Variants in LANCL3 observed in about 807,000 individuals in gnomAD.
LANCL3 encodes the protein LanC like family member 3.
Under a neutral mutation model 26.5 loss-of-function variants are expected in LANCL3, and 19 were observed. The ratio of observed to expected loss-of-function variants is 0.72; its 90% CI spans 0.50 to 1.05. The LOEUF (loss-of-function observed/expected upper bound fraction) is 1.05, where lower values mean the gene tolerates loss of function less well. Among genes scored for constraint, LANCL3 ranks in the 50% least tolerant of loss-of-function variants. LANCL3 has a pLI of 0.00. For synonymous variants in LANCL3, 160 were observed against 166.6 expected (o/e 0.96, Z 0.30); for missense variants, 318 against 362.7 (o/e 0.88, Z 1.00).
Position 37,684,260 on chromosome X carries a change from C to T in LANCL3, c.*8447C>T, listed in dbSNP as rs1927004412. On this transcript the variant is annotated 3_prime_UTR_variant, in exon 5 of 5. Transcript: ENST00000378619. The stretch of plus-strand genomic sequence containing the variant: ...TTTTTACAACTGCTGTTACAATGTT[C>T]TAAACACTGTGATCTTTCCAAATGT... 1 of 112,376 alleles carries T rather than the reference C, an allele frequency of 8.9e-6. No individual in the cohort carries two copies. Among genetic ancestry groups the T allele is most frequent in the South Asian group, 3.7e-4 (1 of 2,723 alleles). 9.3% of individuals were successfully genotyped at this position (112,376 alleles called of 1,213,427 possible). A position where few individuals can be genotyped will look rare whatever the true frequency, so the allele number is the denominator to read the frequency against.
chrX:37,651,108 T>G (rs1556428751), intron 1 of LANCL3, among the ~76,000 whole-genome samples: 1 of 111,358 alleles, frequency 9.0e-6, no homozygotes, highest in Non-Finnish European at 1.9e-5. Context: ...ATATGCCACA[T>G]TTTCTTAATC....
chrX:37,609,242 C>G (rs1400949158), intron 1 of LANCL3, among the ~76,000 whole-genome samples: 1 of 111,881 alleles, frequency 8.9e-6, no homozygotes, highest in Non-Finnish European at 1.9e-5. Flanking sequence ...TAGATGCCGT[C>G]TTTATTGTAC....
At chrX:37,655,839 T>C in intron 2 of LANCL3, 28 bp downstream of exon 2, 1 of 1,186,990 alleles carries the variant, frequency 8.4e-7, no homozygotes, top group Non-Finnish European at 1.1e-6. Flanking sequence ...CATGGGCCTG[T>C]AGGAAGGAGA....
Position 37,683,923 on chromosome X carries a change from T to C in LANCL3, c.*8110T>C, listed in dbSNP as rs1926996264. Reference sequence around the variant, plus strand: ...GACATTAATCTTTAGTCAAAACCCATTGAGGTGTCTGACAGGGAAATTAGC... The same window carrying C: ...GACATTAATCTTTAGTCAAAACCCACTGAGGTGTCTGACAGGGAAATTAGC... On this transcript the variant is annotated 3_prime_UTR_variant, in exon 5 of 5. Transcript: ENST00000378619. 1 of 111,836 alleles carries C rather than the reference T, an allele frequency of 8.9e-6. No homozygotes were observed. The highest frequency in any genetic ancestry group is 3.2e-5 in the African/African-American group (1 of 30,799). The allele number at this position is 111,836 out of a possible 1,213,427, so 9.2% of individuals were successfully genotyped here.
At chrX:37,643,520 T>A (rs1418963236) in intron 1 of LANCL3, among the ~76,000 whole-genome samples, 1 of 112,264 alleles carries the variant, frequency 8.9e-6, no homozygotes, top group African/African-American at 3.2e-5. Flanking sequence ...TCTAAAGTTA[T>A]ATAGTTAGTT....
At chrX:37,649,455 G>A (rs1556428108) in intron 1 of LANCL3, among the ~76,000 whole-genome samples, 2 of 110,689 alleles carry the variant, frequency 1.8e-5, no homozygotes, top group African/African-American at 3.3e-5. Context: ...GTCCTGTTGG[G>A]GGATGGGGGG....
intron 1 of LANCL3, among the ~76,000 whole-genome samples, chrX:37,596,702 T>A (rs1924438270): frequency 8.9e-6 from 1 of 112,328 alleles, no homozygotes; most frequent in African/African-American, 3.2e-5. Context: ...TCATTTAAAA[T>A]ATCCTACTTG....
chrX:37,609,990 C>T (rs1437237357), intron 1 of LANCL3, among the ~76,000 whole-genome samples: 1 of 112,475 alleles, frequency 8.9e-6, no homozygotes, highest in East Asian at 2.8e-4. Context: ...AACAAACCAC[C>T]TAAAAACTTA....
At chrX:37,613,250 T>C (rs376109094) in intron 1 of LANCL3, among the ~76,000 whole-genome samples, 2 of 110,758 alleles carry the variant, frequency 1.8e-5, no homozygotes, top group South Asian at 3.9e-4. Flanking sequence ...ACTTTCTTCA[T>C]TGGAATGTAA....
chrX:37,572,469 G>A (rs1556415849), intron 1 of LANCL3, 26 bp downstream of exon 1: 2 of 1,140,934 alleles, frequency 1.8e-6, no homozygotes, highest in Admixed American at 5.1e-5. Flanking sequence ...GGCCGCGGGA[G>A]GGCGCTCGCC....
chrX:37,600,697 A>G (rs1924553473), intron 1 of LANCL3, among the ~76,000 whole-genome samples: 1 of 111,825 alleles, frequency 8.9e-6, no homozygotes, highest in Non-Finnish European at 1.9e-5. Context: ...TCAAACTTTC[A>G]TGCACCTGAA....
chrX:37,629,469 A>G (rs1244469590), intron 1 of LANCL3, among the ~76,000 whole-genome samples: 6 of 108,803 alleles, frequency 5.5e-5, no homozygotes, highest in African/African-American at 1.7e-4. Flanking sequence ...CCCATTTGTC[A>G]ATTTTGGCTT....
In LANCL3 at chrX:37,630,185, C is replaced by G. The variant is rs781803980; in HGVS notation, c.574-25503C>G. On this transcript the variant is annotated intron_variant, in intron 1 of 4. Transcript: ENST00000378619. Reference sequence around the variant, plus strand: ...CTTCACATCCCTTGTAAGTTGGATTCCTAGGTATTTTATTCTCTTTGAAGC... The same window carrying G: ...CTTCACATCCCTTGTAAGTTGGATTGCTAGGTATTTTATTCTCTTTGAAGC... Among the ~76,000 whole-genome samples, 100 of 109,630 alleles carry G rather than the reference C, an allele frequency of 9.1e-4. No homozygotes were observed. The East Asian group carries it at 0.022, about 25-fold the overall frequency.
chrX:37,649,095 C>T (rs1926060860), intron 1 of LANCL3, among the ~76,000 whole-genome samples: 1 of 111,333 alleles, frequency 9.0e-6, no homozygotes, highest in Non-Finnish European at 1.9e-5. Context: ...CCAGTAATCC[C>T]ATTACTGGGT....
At chrX:37,664,809 C>T (rs907771416) in intron 3 of LANCL3, among the ~76,000 whole-genome samples, 14 of 111,921 alleles carry the variant, frequency 1.3e-4, no homozygotes, top group African/African-American at 4.2e-4. Flanking sequence ...TAAGTGAGAA[C>T]ATGTGGTGCT....
At chrX:37,669,982 T>A (rs1021368884) in intron 4 of LANCL3, among the ~76,000 whole-genome samples, 1 of 112,361 alleles carries the variant, frequency 8.9e-6, no homozygotes, top group Non-Finnish European at 1.9e-5. Context: ...TCTCATTTTT[T>A]AAAATGGCTA....
chrX:37,609,006 T>G (rs782118019), intron 1 of LANCL3, among the ~76,000 whole-genome samples: 1 of 112,355 alleles, frequency 8.9e-6, no homozygotes, highest in East Asian at 2.8e-4. Context: ...AAAAACAAAT[T>G]CCCACTGAGA....
At chrX:37,575,187 A>G (rs1923714791) in intron 1 of LANCL3, among the ~76,000 whole-genome samples, 1 of 110,061 alleles carries the variant, frequency 9.1e-6, no homozygotes, top group Admixed American at 9.7e-5. Context: ...TCAGTCTCCT[A>G]AAGTCCTGGG....
At chrX:37,574,548 C>G (rs782630658) in intron 1 of LANCL3, among the ~76,000 whole-genome samples, 48 of 111,936 alleles carry the variant, frequency 4.3e-4, no homozygotes, top group African/African-American at 1.5e-3. Context: ...GAGCTAGAAT[C>G]TCCCACTCAA....
Sources: allele counts gnomAD v4.1 joint callset (sites outside exome capture counted in the v4.1 genomes callset), GRCh38; gene constraint gnomAD v4.1.1; transcripts MANE v1.5; gene names NCBI Gene and HGNC (gene_info 2026-07-23, HGNC 2026-07-21).